Variants in CDYL observed in about 807,000 individuals in gnomAD.
The protein encoded by CDYL is chromodomain Y-like protein.
A neutral mutation model predicts 47.3 loss-of-function variants in CDYL; 8 were observed. That is an observed-to-expected ratio of 0.17 (90% confidence interval 0.10 to 0.31). CDYL has a LOEUF of 0.31. Ranked by LOEUF, CDYL falls within the 10% of genes least tolerant of loss-of-function variation. The pLI is 1.00. For missense variants in CDYL, 471 were observed against 701.4 expected (o/e 0.67, Z 3.71); for synonymous variants, 266 against 265.0 (o/e 1.00, Z -0.04).
intron 1 of CDYL, among the ~76,000 whole-genome samples, chr6:4,812,049 C>T (rs112363280): frequency 0.019 from 2,847 of 152,208 alleles, 105 homozygotes; most frequent in African/African-American, 0.065. Context: ...GAGGCACCGC[C>T]CCAATCCAGT....
At chr6:4,947,601 G>A (rs1296335911) in intron 5 of CDYL, among the ~76,000 whole-genome samples, 1 of 152,184 alleles carries the variant, frequency 6.6e-6, no homozygotes, top group Non-Finnish European at 1.5e-5. Flanking sequence ...CCTGTTGGGG[G>A]GTGGTCCCTC....
In CDYL at chr6:4,707,655, C is replaced by T. The variant is rs969154162; in HGVS notation, c.-39+1404C>T. 1.9e-4 allele frequency among the ~76,000 whole-genome samples: 29 copies of T among 152,296 alleles called. 1 individual carries two copies. The highest frequency in any genetic ancestry group is 1.5e-3 in the Admixed American group (23 of 15,302). On this transcript the variant is annotated intron_variant, in intron 1 of 8. Transcript: ENST00000328908. ...GCATTCAAGACCTTAAAAAATCAGA[C>T]TTCTAAAATGTGTGCATTTTATCAT...
At chr6:4,847,156 C>T (rs1760685396) in intron 1 of CDYL, among the ~76,000 whole-genome samples, 1 of 152,214 alleles carries the variant, frequency 6.6e-6, no homozygotes, top group Non-Finnish European at 1.5e-5. Flanking sequence ...CCAAAATCAT[C>T]AGTGTGTGAG....
intron 2 of CDYL, among the ~76,000 whole-genome samples, chr6:4,915,081 G>C (rs1180004880): frequency 6.6e-6 from 1 of 152,234 alleles, no homozygotes; most frequent in Non-Finnish European, 1.5e-5. Context: ...TTAACTCTGT[G>C]TTGTTAGGCA....
At chr6:4,878,981 T>G (rs897848923) in intron 1 of CDYL, among the ~76,000 whole-genome samples, 4 of 152,218 alleles carry the variant, frequency 2.6e-5, no homozygotes, top group African/African-American at 9.6e-5. Context: ...TAGAAAAATT[T>G]ACTAATTGCT....
rs1202717872 is a variant in CDYL, at chr6:4,954,440, C to T, written c.*384C>T. ...AGTCTGGAATAATGTTTGTTTTCCT[C>T]ATTTCTTCCTTCTAGAACACAGAAT... is the stretch of plus-strand genomic sequence containing the variant. On this transcript the variant is annotated 3_prime_UTR_variant, in exon 7 of 7. Transcript: ENST00000397588. 3 of 154,138 alleles carry T rather than the reference C, an allele frequency of 1.9e-5. No homozygotes were observed. Among genetic ancestry groups the T allele is most frequent in the African/African-American group, 4.8e-5 (2 of 41,488 alleles). 9.5% of individuals were successfully genotyped at this position (154,138 alleles called of 1,614,324 possible).
chr6:4,895,519 A>G (rs112049514), intron 2 of CDYL, among the ~76,000 whole-genome samples: 2 of 147,172 alleles, frequency 1.4e-5, no homozygotes, highest in East Asian at 2.0e-4. Flanking sequence ...ATATATGTAT[A>G]TATACATGTA....
intron 2 of CDYL, among the ~76,000 whole-genome samples, chr6:4,931,538 G>A (rs1758033605): frequency 6.6e-6 from 1 of 152,190 alleles, no homozygotes; most frequent in Non-Finnish European, 1.5e-5. Context: ...CCCGGGTGAT[G>A]TGAGAACACT....
chr6:4,788,227 C>T (rs374344814), intron 1 of CDYL, among the ~76,000 whole-genome samples: 4 of 151,528 alleles, frequency 2.6e-5, no homozygotes, highest in Admixed American at 6.6e-5. Flanking sequence ...TAGTGGCTGG[C>T]GCCTGTAATC....
intron 1 of CDYL, among the ~76,000 whole-genome samples, chr6:4,823,696 T>G (rs1299804114): frequency 1.3e-5 from 2 of 152,360 alleles, no homozygotes; most frequent in African/African-American, 2.4e-5. Context: ...CCAAAACTTT[T>G]AAATTCCCCC....
intron 1 of CDYL, among the ~76,000 whole-genome samples, chr6:4,829,628 G>A (rs540787716): frequency 3.9e-5 from 6 of 152,258 alleles, no homozygotes; most frequent in African/African-American, 1.4e-4. Context: ...CAGCTTTTCT[G>A]GGGGTGCCTG....
intron 4 of CDYL, among the ~76,000 whole-genome samples, chr6:4,942,293 GACACA>G (rs1465920636): frequency 6.6e-6 from 1 of 151,996 alleles, no homozygotes; most frequent in East Asian, 1.9e-4. Context: ...TACACACACA[GACACA>G]ACCCTCCTCA....
chr6:4,941,928 G>C (rs114298724), intron 4 of CDYL, among the ~76,000 whole-genome samples: 1 of 152,188 alleles, frequency 6.6e-6, no homozygotes, highest in Non-Finnish European at 1.5e-5. Flanking sequence ...TTATCATTGA[G>C]AGACAGTTCA....
At chr6:4,845,353 T>A (rs572736312) in intron 1 of CDYL, among the ~76,000 whole-genome samples, 13 of 152,200 alleles carry the variant, frequency 8.5e-5, no homozygotes, top group Non-Finnish European at 1.3e-4. Context: ...GTTTTCAAAG[T>A]AGTTTTTTGA....
intron 2 of CDYL, among the ~76,000 whole-genome samples, chr6:4,894,068 A>G (rs527861034): frequency 1.6e-4 from 25 of 152,314 alleles, no homozygotes; most frequent in Middle Eastern, 3.4e-3. Flanking sequence ...GTTTGACCTC[A>G]TGGATACAGT....
intron 3 of CDYL, among the ~76,000 whole-genome samples, chr6:4,761,318 AAT>A (rs1306433740): frequency 3.3e-5 from 5 of 152,148 alleles, no homozygotes; most frequent in African/African-American, 4.8e-5. Flanking sequence ...CAATCACAGA[AAT>A]ATTTTTGGTG....
At chr6:4,783,320 A>G (rs1375421974) in intron 1 of CDYL, among the ~76,000 whole-genome samples, 1 of 150,638 alleles carries the variant, frequency 6.6e-6, no homozygotes, top group Non-Finnish European at 1.5e-5. Context: ...AGAGAATAGT[A>G]TTTCAAATAA....
intron 1 of CDYL, among the ~76,000 whole-genome samples, chr6:4,814,964 T>C (rs1163061945): frequency 6.6e-6 from 1 of 152,148 alleles, no homozygotes; most frequent in East Asian, 1.9e-4. Context: ...TGTTGTAGGG[T>C]CTGCCAGTCC....
At chr6:4,841,624 AT>A (rs1760493101) in intron 1 of CDYL, among the ~76,000 whole-genome samples, 1 of 152,106 alleles carries the variant, frequency 6.6e-6, no homozygotes, top group Admixed American at 6.6e-5. Flanking sequence ...GAATTTTAAA[AT>A]TTCCGTCTTG....
Sources: gnomAD v4.1 joint callset for allele counts (sites outside exome capture counted in the v4.1 genomes callset) on GRCh38, gnomAD v4.1.1 for gene constraint, MANE v1.5 for transcripts, NCBI Gene and HGNC (gene_info 2026-07-23, HGNC 2026-07-21) for gene names.